The following ACSM6 variants were observed in gnomAD, a reference collection of about 807,000 sequenced individuals.
ACSM6 encodes the protein acyl-coenzyme A synthetase ACSM6, mitochondrial.
A neutral mutation model predicts 51.1 loss-of-function variants in ACSM6; 35 were observed. That is an observed-to-expected ratio of 0.69 (90% CI 0.52 to 0.91). The LOEUF is 0.91. Ranked by LOEUF, ACSM6 falls within the 40% of genes least tolerant of loss-of-function variation. The probability of loss-of-function intolerance (pLI) is 0.00; values close to 1 mark genes in which losing one functional copy is unlikely to be tolerated. For synonymous variants in ACSM6, 172 were observed against 207.3 expected, an observed-to-expected ratio of 0.83 and a Z score of 1.46; for missense variants, 509 against 584.1, an observed-to-expected ratio of 0.87 and a Z score of 1.32.
At chr10:95,226,988 C>CTT (rs11342263) in intron 10 of ACSM6, among the ~76,000 whole-genome samples, 6 of 140,142 alleles carry the variant, frequency 4.3e-5, no homozygotes, top group Admixed American at 7.1e-5. Flanking sequence ...TATATGACAA[C>CTT]TTTTTTTTTT....
chr10:95,227,089 C>T (rs563787629), intron 10 of ACSM6, among the ~76,000 whole-genome samples: 94 of 151,836 alleles, frequency 6.2e-4, no homozygotes, highest in African/African-American at 1.6e-3. Flanking sequence ...CGGGTTCAAG[C>T]GATTCTACTG....
Position 95,210,806 on chromosome 10 carries a change from C to T in ACSM6, c.755+13C>T, listed in dbSNP as rs200038825. 4.4e-4 allele frequency: 711 copies of T among 1,612,442 alleles called. 3 individuals carry two copies. The African/African-American group carries it at 8.8e-3, about 20-fold the overall frequency. ...GCCAGGCTTCCAGGTACGGTTCTCG[C>T]ACAGCCTGTACAGGCCTGAAAGTTG... On this transcript the variant is annotated intron_variant, in intron 5 of 10. Transcript: ENST00000341686.
chr10:95,225,481 A>G, intron 10 of ACSM6, 90 bp downstream of exon 10: 1 of 963,776 alleles, frequency 1.0e-6, no homozygotes, highest in Non-Finnish European at 1.5e-6. Flanking sequence ...TTTGCCAAAT[A>G]CTTTTGTCCC....
chr10:95,207,415 A>C, exon 4 of ACSM6: 2 of 1,613,454 alleles, frequency 1.2e-6, no homozygotes, highest in Middle Eastern at 1.7e-4. Flanking sequence ...AAGTTGATTC[A>C]GTAAGTGGAC....
Position 95,194,437 on chromosome 10 carries a change from C to G in ACSM6, c.-21-28C>G, listed in dbSNP as rs2034705139. The G allele has an allele frequency of 8.0e-6, 12 of 1,503,900 alleles. 1 individual carries two copies. In the South Asian group the frequency reaches 1.1e-4, roughly 14 times the overall value. The allele number at this position is 1,503,900 out of a possible 1,614,324, so 93.2% of individuals were successfully genotyped here. ...ATTATCCCTCTGAGCTGCTCAATTA[C>G]TCCCTGTCTTTTCCTCAATTTACCT... On this transcript the variant is annotated intron_variant, in intron 1 of 10. Coordinates refer to ENST00000341686, the Ensembl canonical transcript of ACSM6.
intron 9 of ACSM6, among the ~76,000 whole-genome samples, chr10:95,223,397 A>G (rs1439247288): frequency 6.6e-6 from 1 of 152,198 alleles, no homozygotes; most frequent in East Asian, 1.9e-4. Context: ...AGAAAACCAT[A>G]AATTAATATT....
At chr10:95,207,150 A>G (rs1198239667) in intron 3 of ACSM6, 58 bp from the exon 4 acceptor site, 4 of 1,547,842 alleles carry the variant, frequency 2.6e-6, no homozygotes, top group Middle Eastern at 1.7e-4. Context: ...AGAATGCTTG[A>G]GGAAAAATTC....
At chr10:95,217,077 C>T (rs1160093925) in intron 8 of ACSM6, among the ~76,000 whole-genome samples, 1 of 152,166 alleles carries the variant, frequency 6.6e-6, no homozygotes, top group Non-Finnish European at 1.5e-5. Flanking sequence ...GGGCCAGGAG[C>T]AGTGGCTCAC....
At chr10:95,213,734 A>C (rs959688528) in intron 7 of ACSM6, among the ~76,000 whole-genome samples, 2 of 152,328 alleles carry the variant, frequency 1.3e-5, no homozygotes, top group South Asian at 4.1e-4. Context: ...TCATCGATAA[A>C]GATTAATGAG....
intron 2 of ACSM6, among the ~76,000 whole-genome samples, chr10:95,197,460 G>A (rs914600824): frequency 2.0e-5 from 3 of 152,256 alleles, no homozygotes; most frequent in African/African-American, 4.8e-5. Flanking sequence ...ACAAACATGT[G>A]AGCAATAGAA....
chr10:95,225,884 C>T (rs2035031933), intron 10 of ACSM6: 1 of 152,132 alleles, frequency 6.6e-6, no homozygotes, highest in Non-Finnish European at 1.5e-5. Context: ...ATAACTGTTC[C>T]ACCACCATGT....
chr10:95,220,827 GTAC>G (rs1407986132), intron 9 of ACSM6, among the ~76,000 whole-genome samples: 1 of 151,964 alleles, frequency 6.6e-6, no homozygotes, highest in Non-Finnish European at 1.5e-5. Flanking sequence ...TCATGAATAG[GTAC>G]TACATTATAT....
At chr10:95,199,219 T>C (rs2034766334) in intron 2 of ACSM6, among the ~76,000 whole-genome samples, 1 of 152,210 alleles carries the variant, frequency 6.6e-6, no homozygotes, top group African/African-American at 2.4e-5. Context: ...TATCTGATCT[T>C]TGACAAACCT....
chr10:95,208,630 T>A (rs1167395406), intron 4 of ACSM6, among the ~76,000 whole-genome samples: 70 of 152,184 alleles, frequency 4.6e-4, no homozygotes, highest in Admixed American at 4.6e-3. Context: ...TCAACTACCG[T>A]CCAAAATAGG....
At chr10:95,194,968 G>A (rs898864436) in intron 2 of ACSM6, among the ~76,000 whole-genome samples, 2 of 152,222 alleles carry the variant, frequency 1.3e-5, no homozygotes, top group African/African-American at 4.8e-5. Flanking sequence ...GTTTTTCACA[G>A]TGTTGTCGAG....
At chr10:95,227,834 A>C (rs995401054) in intron 10 of ACSM6, among the ~76,000 whole-genome samples, 3 of 152,154 alleles carry the variant, frequency 2.0e-5, no homozygotes, top group Admixed American at 1.3e-4. Context: ...TTGGGAGGCC[A>C]AGGCAGGCGG....
intron 1 of ACSM6, 25 bp from the exon 2 acceptor site, chr10:95,194,440 C>T: frequency 1.3e-6 from 2 of 1,513,860 alleles, no homozygotes; most frequent in Admixed American, 2.0e-5. Context: ...TCAATTACTC[C>T]CTGTCTTTTC....
chr10:95,225,193 A>C, intron 9 of ACSM6, 97 bp from the exon 10 acceptor site: 2 of 875,448 alleles, frequency 2.3e-6, no homozygotes, highest in Non-Finnish European at 1.8e-6. Flanking sequence ...GGCATCTTAA[A>C]TGGGGGTAGA....
chr10:95,224,494 G>A (rs519833), intron 9 of ACSM6, among the ~76,000 whole-genome samples: 80,142 of 152,082 alleles, frequency 0.53, 22,040 homozygotes, highest in Middle Eastern at 0.66. Flanking sequence ...TTGGCCTCCC[G>A]GGTTCAAGCA....
Sources: gnomAD v4.1 joint callset for allele counts (sites outside exome capture counted in the v4.1 genomes callset) on GRCh38, gnomAD v4.1.1 for gene constraint, MANE v1.5 for transcripts, NCBI Gene and HGNC (gene_info 2026-07-23, HGNC 2026-07-21) for gene names.